GALNT2: variants seen among roughly 807,000 people sequenced by gnomAD.
GALNT2 encodes polypeptide N-acetylgalactosaminyltransferase 2, also known as UDP-GalNAc:polypeptide N-acetylgalactosaminyltransferase 2.
GALNT2 carries 31 observed loss-of-function variants against 81.4 expected under a neutral mutation model. That is an observed-to-expected ratio of 0.38 (90% CI 0.29 to 0.51). GALNT2 has a LOEUF of 0.51. Ranked by LOEUF, GALNT2 falls within the 20% of genes least tolerant of loss-of-function variation. The probability of loss-of-function intolerance (pLI) is 0.87; values close to 1 mark genes in which losing one functional copy is unlikely to be tolerated. For missense variants in GALNT2, 629 were observed against 765.7 expected, an observed-to-expected ratio of 0.82 and a Z score of 2.11; for synonymous variants, 303 against 287.4, an observed-to-expected ratio of 1.05 and a Z score of -0.55.
chr1:230,075,449 C>T (rs1659515175), intron 1 of GALNT2, among the ~76,000 whole-genome samples: 1 of 152,184 alleles, frequency 6.6e-6, no homozygotes, highest in Non-Finnish European at 1.5e-5. Context: ...ACCTTTTGCT[C>T]CATGGAATTT....
At chr1:230,174,448 T>C (rs2102860452) in intron 1 of GALNT2, among the ~76,000 whole-genome samples, 1 of 152,140 alleles carries the variant, frequency 6.6e-6, no homozygotes, top group South Asian at 2.1e-4. Context: ...TATCTCACAG[T>C]AGCTTCATCA....
intron 1 of GALNT2, among the ~76,000 whole-genome samples, chr1:230,161,553 A>C (rs1266168850): frequency 1.3e-5 from 2 of 152,206 alleles, no homozygotes; most frequent in African/African-American, 2.4e-5. Flanking sequence ...GGAATCTAGC[A>C]GCTGAATTTC....
intron 1 of GALNT2, among the ~76,000 whole-genome samples, chr1:230,160,409 G>C (rs865889496): frequency 1.3e-5 from 2 of 152,150 alleles, no homozygotes; most frequent in South Asian, 4.1e-4. Flanking sequence ...GGGCCTCCCT[G>C]TATACAATGA....
intron 6 of GALNT2, among the ~76,000 whole-genome samples, chr1:230,238,798 C>G (rs1349370764): frequency 6.6e-6 from 1 of 152,054 alleles, no homozygotes; most frequent in Non-Finnish European, 1.5e-5. Context: ...AAACATTGGT[C>G]TGTAATTTTC....
chr1:230,189,633 A>G (rs1156516625), intron 2 of GALNT2, among the ~76,000 whole-genome samples: 2 of 152,202 alleles, frequency 1.3e-5, no homozygotes, highest in Non-Finnish European at 2.9e-5. Flanking sequence ...TTGTGCATTT[A>G]TCTTTTTAAT....
At chr1:230,269,372 G>A (rs1468940699) in intron 14 of GALNT2, among the ~76,000 whole-genome samples, 1 of 152,034 alleles carries the variant, frequency 6.6e-6, no homozygotes, top group Non-Finnish European at 1.5e-5. Context: ...GTTTAGTAGA[G>A]ACGGGATTCC....
At chr1:230,228,157 C>G (rs1268043384) in intron 3 of GALNT2, among the ~76,000 whole-genome samples, 2 of 152,194 alleles carry the variant, frequency 1.3e-5, no homozygotes, top group African/African-American at 4.8e-5. Flanking sequence ...GCAAGACTTT[C>G]ATGGAGAAAA....
At chr1:230,091,827 A>G (rs886441689) in intron 1 of GALNT2, 4 of 151,874 alleles carry the variant, frequency 2.6e-5, no homozygotes, top group Non-Finnish European at 4.4e-5. Flanking sequence ...AGATCCCACC[A>G]CTCCTCCAAG....
In GALNT2 at chr1:230,211,370, C is replaced by T. The variant is rs144056726; in HGVS notation, c.374+8080C>T. Among the ~76,000 whole-genome samples, 44 of 152,212 alleles carry T rather than the reference C, an allele frequency of 2.9e-4. 1 individual carries two copies. The East Asian group carries it at 6.6e-3, about 23-fold the overall frequency. ...TTCTGGCTTTGTTGGCATTTGTGGC[C>T]GTGGGGCAGGTGGAGTTTGGGTGTG... is the stretch of plus-strand genomic sequence containing the variant. On this transcript the variant is annotated intron_variant, in intron 3 of 15. Transcript: ENST00000366672.
intron 11 of GALNT2, chr1:230,258,761 A>C (rs1179968295): frequency 6.6e-6 from 1 of 152,246 alleles, no homozygotes; most frequent in African/African-American, 2.4e-5. Flanking sequence ...TTACAAAATC[A>C]AACAAAAATA....
intron 3 of GALNT2, among the ~76,000 whole-genome samples, chr1:230,233,025 A>G (rs921747606): frequency 9.9e-5 from 15 of 152,282 alleles, no homozygotes; most frequent in African/African-American, 3.4e-4. Context: ...ACTGCTTTTC[A>G]TGTTTATTTT....
chr1:230,179,693 A>G (rs1443125763), intron 2 of GALNT2, among the ~76,000 whole-genome samples: 1 of 152,160 alleles, frequency 6.6e-6, no homozygotes, highest in Non-Finnish European at 1.5e-5. Context: ...ATTTAGGATA[A>G]TCGTCCTTTA....
upstream of GALNT2, among the ~76,000 whole-genome samples, chr1:230,066,064 T>C (rs1558266563): frequency 1.3e-5 from 2 of 152,384 alleles, no homozygotes; most frequent in Admixed American, 6.5e-5. Context: ...TTTTCTTTCT[T>C]CTACTTAAGT....
intron 1 of GALNT2, among the ~76,000 whole-genome samples, chr1:230,175,999 G>T (rs77875310): frequency 1.3e-5 from 2 of 152,090 alleles, no homozygotes. Flanking sequence ...TAAAATGCAG[G>T]AATGAGAGAG....
At chr1:230,228,673 C>G (rs1354108719) in intron 3 of GALNT2, among the ~76,000 whole-genome samples, 1 of 152,004 alleles carries the variant, frequency 6.6e-6, no homozygotes, top group Non-Finnish European at 1.5e-5. Flanking sequence ...ACCCATACCA[C>G]GCTGCTTTAA....
chr1:230,167,500 G>A (rs1209598999), intron 1 of GALNT2, among the ~76,000 whole-genome samples: 1 of 152,244 alleles, frequency 6.6e-6, no homozygotes, highest in Admixed American at 6.5e-5. Context: ...GGAACCAGTT[G>A]TATGGAAGTT....
intron 1 of GALNT2, among the ~76,000 whole-genome samples, chr1:230,112,800 T>TGGGGG (rs200649766): frequency 1.3e-5 from 1 of 76,122 alleles, no homozygotes; most frequent in Non-Finnish European, 2.6e-5. Context: ...GGCAGGGGGG[T>TGGGGG]GGGGGGGACC....
chr1:230,163,935 T>C (rs1014180967), intron 1 of GALNT2, among the ~76,000 whole-genome samples: 9 of 152,128 alleles, frequency 5.9e-5, no homozygotes, highest in African/African-American at 2.2e-4. Context: ...CCGGGGGTGG[T>C]GGATGGAGCC....
At chr1:230,215,322 G>T (rs1374706366) in intron 3 of GALNT2, among the ~76,000 whole-genome samples, 1 of 152,206 alleles carries the variant, frequency 6.6e-6, no homozygotes, top group Non-Finnish European at 1.5e-5. Flanking sequence ...TCGGCCGTTT[G>T]GCTCTATGCC....
Sources: allele counts gnomAD v4.1 joint callset (sites outside exome capture counted in the v4.1 genomes callset), GRCh38; gene constraint gnomAD v4.1.1; transcripts MANE v1.5; gene names NCBI Gene and HGNC (gene_info 2026-07-23, HGNC 2026-07-21).